CREBBP: variants seen among roughly 807,000 people sequenced by gnomAD.
CREBBP encodes CREB binding lysine acetyltransferase.
Under a neutral mutation model 265.0 loss-of-function variants are expected in CREBBP, and 19 were observed. The observed-to-expected ratio is 0.07, with a 90% confidence interval of 0.05 to 0.11. The LOEUF (loss-of-function observed/expected upper bound fraction) is 0.11. CREBBP is among the 10% of genes least tolerant of loss of function. CREBBP has a pLI of 1.00. For missense variants in CREBBP, 2,525 were observed against 3,219.0 expected (o/e 0.78, Z 5.22); for synonymous variants, 1,457 against 1,223.7 (o/e 1.19, Z -3.98).
At chr16:3,858,382 G>A (rs190347496) in intron 1 of CREBBP, among the ~76,000 whole-genome samples, 2 of 152,278 alleles carry the variant, frequency 1.3e-5, no homozygotes. Flanking sequence ...TGGAGCCCCA[G>A]ATTATTTGTA....
At chr16:3,875,511 C>G (rs1412764945) in intron 1 of CREBBP, among the ~76,000 whole-genome samples, 1 of 152,148 alleles carries the variant, frequency 6.6e-6, no homozygotes, top group Admixed American at 6.5e-5. Flanking sequence ...ACGCCCTAAC[C>G]CAGGAGGAAG....
intron 5 of CREBBP, among the ~76,000 whole-genome samples, chr16:3,786,383 G>T (rs1390712900): frequency 6.6e-6 from 1 of 152,014 alleles, no homozygotes; most frequent in Non-Finnish European, 1.5e-5. Context: ...AAGAAAAAAG[G>T]AATGTTCCAC....
chr16:3,824,155 A>C (rs892049770), intron 2 of CREBBP, among the ~76,000 whole-genome samples: 1 of 152,236 alleles, frequency 6.6e-6, no homozygotes, highest in Non-Finnish European at 1.5e-5. Flanking sequence ...CGACTGCTAA[A>C]TGGAGTTTCA....
In CREBBP at chr16:3,729,257, G is replaced by C; in HGVS notation, c.5790C>G (p.Pro1930=). 1.3e-6 allele frequency: 2 copies of C among 1,528,906 alleles called. No individual in the cohort carries two copies. Among genetic ancestry groups the C allele is most frequent in the Non-Finnish European group, 1.8e-6 (2 of 1,142,522 alleles). The allele number at this position is 1,528,906 out of a possible 1,614,324, so 94.7% of individuals were successfully genotyped here. A position where few individuals can be genotyped will look rare whatever the true frequency, so the allele number is the denominator to read the frequency against. The change falls in exon 31 of 31, where the codon CCC becomes CCG. Residue 1930 remains proline, a synonymous_variant. Transcript: ENST00000262367. ...TAGGCTTCCCTGTGGACACCGTGGTGGGGGGCTGAGTCCGGGCCACGCTGG... is the reference window on the plus strand; with the variant it reads ...TAGGCTTCCCTGTGGACACCGTGGTCGGGGGCTGAGTCCGGGCCACGCTGG... ...GFPSVARTQP[P]TTVSTGKPTS...
chr16:3,816,776 T>C (rs2054044311), intron 2 of CREBBP, among the ~76,000 whole-genome samples: 1 of 152,186 alleles, frequency 6.6e-6, no homozygotes, highest in South Asian at 2.1e-4. Context: ...ACTTCTCACC[T>C]TCCTGGAACA....
chr16:3,762,533 C>T (rs1191547521), intron 16 of CREBBP, among the ~76,000 whole-genome samples: 1 of 151,750 alleles, frequency 6.6e-6, no homozygotes, highest in Non-Finnish European at 1.5e-5. Flanking sequence ...GTAAGAAGAT[C>T]CCATATGTGC....
chr16:3,859,825 C>G (rs1325105485), intron 1 of CREBBP, among the ~76,000 whole-genome samples: 1 of 152,196 alleles, frequency 6.6e-6, no homozygotes, highest in Non-Finnish European at 1.5e-5. Flanking sequence ...CCCTCTCACA[C>G]GCCTTGCCCT....
intron 13 of CREBBP, among the ~76,000 whole-genome samples, chr16:3,771,939 T>C (rs1020200278): frequency 1.3e-5 from 2 of 151,706 alleles, no homozygotes; most frequent in Admixed American, 6.6e-5. Flanking sequence ...GCCTCCTCAG[T>C]AGCTGGGATT....
intron 16 of CREBBP, among the ~76,000 whole-genome samples, chr16:3,761,385 G>T (rs2052713989): frequency 6.6e-6 from 1 of 152,216 alleles, no homozygotes; most frequent in Non-Finnish European, 1.5e-5. Context: ...CATCAATTCT[G>T]TGTGGGGTGG....
intron 26 of CREBBP, among the ~76,000 whole-genome samples, chr16:3,738,037 C>T (rs139464647): frequency 3.3e-5 from 5 of 151,792 alleles, no homozygotes; most frequent in South Asian, 2.1e-4. Context: ...CCGCCCGCCT[C>T]GGCCTCCCAA....
intron 16 of CREBBP, among the ~76,000 whole-genome samples, chr16:3,766,309 G>C (rs1239747175): frequency 6.6e-6 from 1 of 152,168 alleles, no homozygotes; most frequent in Non-Finnish European, 1.5e-5. Flanking sequence ...AGCTGAAAGG[G>C]CTACGAAAAT....
At position 3,774,589 on chromosome 16, in the gene CREBBP, T is replaced by C; in HGVS notation, c.2263A>G (p.Ser755Gly). 2 of 1,614,230 alleles carry C rather than the reference T, an allele frequency of 1.2e-6. No individual in the cohort carries two copies. The highest frequency in any genetic ancestry group is 8.5e-7 in the Non-Finnish European group (1 of 1,180,048). ...SPMNHSVQMN[S>G]MGSVPGMAIS... ...CTTACCCCTGGCACTGAGCCCATGC[T>C]GTTCATCTGGACAGAGTGGTTCATT... Residue 755 changes from serine to glycine, a missense_variant, in exon 12 of 31, where the codon AGC (serine) becomes GGC (glycine). Around this residue, in one of 19 missense-constraint regions of CREBBP, gnomAD observed 548 missense variants for 533.0 expected, o/e 1.03. Coordinates refer to ENST00000262367, the MANE Select transcript of CREBBP (RefSeq NM_004380.3).
At chr16:3,879,801 G>A (rs1427896541) in intron 1 of CREBBP, 31 bp downstream of exon 1, 6 of 1,550,930 alleles carry the variant, frequency 3.9e-6, no homozygotes, top group South Asian at 1.2e-5. Flanking sequence ...AGCGCGCCCC[G>A]GGCCCCCGCC....
chr16:3,875,101 C>T (rs904646031), intron 1 of CREBBP, among the ~76,000 whole-genome samples: 2 of 152,160 alleles, frequency 1.3e-5, no homozygotes, highest in Admixed American at 6.5e-5. Context: ...AAAACACAGG[C>T]GACTAATCTA....
At chr16:3,777,744 G>T (rs1596906824) in intron 10 of CREBBP, 87 bp from the exon 11 acceptor site, 1 of 1,497,244 alleles carries the variant, frequency 6.7e-7, no homozygotes, top group Non-Finnish European at 9.3e-7. Context: ...TTCTTATTAG[G>T]ACTTCAAACT....
chr16:3,824,968 T>G (rs536434859), intron 2 of CREBBP, among the ~76,000 whole-genome samples: 1 of 152,178 alleles, frequency 6.6e-6, no homozygotes, highest in Non-Finnish European at 1.5e-5. Flanking sequence ...GGATAGCACA[T>G]GGGAAAATGC....
chr16:3,745,035 A>T (rs2052308205), intron 22 of CREBBP, 74 bp from the exon 23 acceptor site: 3 of 1,156,196 alleles, frequency 2.6e-6, no homozygotes, highest in Non-Finnish European at 3.9e-6. Context: ...TGCAGCATTC[A>T]GATAGTTTGT....
In CREBBP at chr16:3,782,700, C is replaced by T. The variant is rs776387619; in HGVS notation, c.1557G>A (p.Arg519=). 3.1e-6 allele frequency: 5 copies of T among 1,613,982 alleles called. No individual in the cohort carries two copies. Among genetic ancestry groups the T allele is most frequent in the Admixed American group, 1.7e-5 (1 of 59,990 alleles). ...TTCACCTACCCAGGGGGTTGAGAGT[C>T]CTCATCTGCTGGTGGGTTTGAGGCT... ...PAQPQTHQQM[R]TLNPLGNNPM... is the part of the protein sequence containing the mutation. The change falls in exon 6 of 31, where the codon AGG becomes AGA. Residue 519 remains arginine (R), a synonymous_variant. Coordinates refer to ENST00000262367, the MANE Select transcript of CREBBP (RefSeq NM_004380.3).
In CREBBP at chr16:3,819,313, C is replaced by T. The variant is rs1176744655; in HGVS notation, c.799-8534G>A. Among the ~76,000 whole-genome samples, 3 of 152,340 alleles carry T rather than the reference C, an allele frequency of 2.0e-5. 1 individual carries two copies. The South Asian group carries it at 6.2e-4, about 32-fold the overall frequency. ...ATCTGTAAAATGGAGATCACAGCAC[C>T]TCCTCTAAGGGTTGCGTGAGAACTA... On this transcript the variant is annotated intron_variant, in intron 2 of 30. Transcript: ENST00000262367.
Sources: allele counts gnomAD v4.1 joint callset (sites outside exome capture counted in the v4.1 genomes callset), GRCh38; gene constraint gnomAD v4.1.1; regional missense constraint gnomAD v4.1.1; transcripts MANE v1.5; gene names NCBI Gene and HGNC (gene_info 2026-07-23, HGNC 2026-07-21).